Variants in MFRP observed in about 807,000 individuals in gnomAD.
MFRP encodes the protein C1q and TNF related 5.
A neutral mutation model predicts 65.8 loss-of-function variants in MFRP; 74 were observed. The observed-to-expected ratio is 1.12, with a 90% CI of 0.93 to 1.36. The LOEUF is 1.36. MFRP is among the 40% of genes most tolerant of loss of function. The probability of loss-of-function intolerance (pLI) is 0.00; values close to 1 mark genes in which losing one functional copy is unlikely to be tolerated. For synonymous variants in MFRP, 336 were observed against 288.3 expected, an observed-to-expected ratio of 1.17 and a Z score of -1.68; for missense variants, 838 against 736.0, an observed-to-expected ratio of 1.14 and a Z score of -1.60.
chr11:119,346,554 G>C lies in MFRP; in HGVS notation c.-41C>G. ...ATGGCTTTCTGGAGTCCCTGTGACA[G>C]CCCAAGACCCCCAAGGGCCCACTCG... On this transcript the variant is annotated 5_prime_UTR_variant, in exon 1 of 15. Transcript: ENST00000619721. 6.2e-7 allele frequency: 1 copy of C among 1,605,694 alleles called. No individual in the cohort carries two copies. The highest frequency in any genetic ancestry group is 8.5e-7 in the Non-Finnish European group (1 of 1,173,196).
chr11:119,346,052 G>A lies in MFRP; in HGVS notation c.265C>T (p.Leu89=), dbSNP rs1950563926. The A allele has an allele frequency of 1.9e-6, 3 of 1,610,954 alleles. No homozygotes were observed. In the East Asian group the frequency reaches 6.7e-5, roughly 36 times the overall value. Residue 89 remains leucine (L), a synonymous_variant, in exon 3 of 15, where the codon CTG becomes TTG. Transcript: ENST00000619721. ...GCTGTCCCCGGGTACTTACGGGCCA[G>A]GATGATGGCCACCAGCAGCCCAAGC... The part of the protein sequence containing the change: ...LLLGLLVAII[L]AQLQAAPPSG...
Position 119,344,635 on chromosome 11 carries a change from A to C in MFRP, c.895T>G (p.Ser299Ala). 1.2e-6 allele frequency: 2 copies of C among 1,614,048 alleles called. No individual in the cohort carries two copies. Among genetic ancestry groups the C allele is most frequent in the Non-Finnish European group, 8.5e-7 (1 of 1,180,040 alleles). ...GACCCCCATGCCTGGCCCGTACCCG[A>C]GAACTTGGCACTGCAATTGGTCTCA... ...SDETNCSAKFSGCGGNLTGLQ... is the reference protein window; with the variant it reads ...SDETNCSAKFAGCGGNLTGLQ... The change falls in exon 7 of 15, where the codon TCG becomes GCG. Residue 299 changes from serine (S) to alanine (A), a missense_variant. By Grantham distance (99) the Ser-to-Ala change is moderately conservative. Coordinates refer to ENST00000619721, the MANE Select transcript of MFRP (RefSeq NM_031433.4).
rs545366403 is a variant in MFRP, at chr11:119,345,138, T to C, written c.642-134A>G. ...CATGTGGTCAAAAAGGCTCCTCTGA[T>C]GTCCCAGGGAGCTCTGACCTTCCTA... On this transcript the variant is annotated intron_variant, in intron 5 of 14. Transcript: ENST00000619721. The C allele has an allele frequency of 4.2e-6, 5 of 1,193,206 alleles. No homozygotes were observed. In the African/African-American group the frequency reaches 6.1e-5, roughly 15 times the overall value. The allele number at this position is 1,193,206 out of a possible 1,614,324, so 73.9% of individuals were successfully genotyped here.
chr11:119,339,601 G>A lies in MFRP; in HGVS notation c.*1358C>T, dbSNP rs1207661449. ...TGGCCCGGTAGACGGTGGCATGGAC[G>A]GCGAAGTAGTAGACCCCAGGCACCT... On this transcript the variant is annotated 3_prime_UTR_variant, in exon 15 of 15. Transcript: ENST00000619721. This position sits in a 1 kb window ranked among gnomAD's most constrained non-coding sequence, Gnocchi z 5.4. 1 of 1,613,140 alleles carries A rather than the reference G, an allele frequency of 6.2e-7. No homozygotes were observed.
At position 119,340,034 on chromosome 11, in the gene MFRP, C is replaced by G. The variant is rs866424760; in HGVS notation, c.*1110+150G>C. ...CTGGGGGGCTGGCCAAGGGGGCTCCCGCCGCCTGGGCCCCTCCCCCGCTCA... is the reference window on the plus strand; with the variant it reads ...CTGGGGGGCTGGCCAAGGGGGCTCCGGCCGCCTGGGCCCCTCCCCCGCTCA... On this transcript the variant is annotated intron_variant, in intron 14 of 14. Coordinates refer to ENST00000619721, the MANE Select transcript of MFRP (RefSeq NM_031433.4). 22 of 1,247,176 alleles carry G rather than the reference C, an allele frequency of 1.8e-5. No homozygotes were observed. In the African/African-American group the frequency reaches 2.1e-4, roughly 12 times the overall value. The allele number at this position is 1,247,176 out of a possible 1,614,324, so 77.3% of individuals were successfully genotyped here.
At chr11:119,345,046 A>G (rs1211399524) in intron 5 of MFRP, 42 bp from the exon 6 acceptor site, 6 of 1,584,932 alleles carry the variant, frequency 3.8e-6, no homozygotes, top group African/African-American at 1.3e-5. Context: ...CTCCAAGAGC[A>G]GGGTCAGCCA....
chr11:119,342,923 A>G lies in MFRP; in HGVS notation c.1205T>C (p.Ile402Thr), dbSNP rs374259317. ...GGTGGCTGAGAAGCCTCCACTGCTG[A>G]TGCCATGATCTGTCCTAAACAGCAC... ...LAVLFRTDHG[I>T]SSGGFSATYL... The change falls in exon 10 of 15, where the codon ATC (isoleucine) becomes ACC (threonine). Residue 402 changes from isoleucine to threonine, a missense_variant. Physicochemically the swap from Ile to Thr is moderately conservative, Grantham distance 89. Coordinates refer to ENST00000619721, the MANE Select transcript of MFRP (RefSeq NM_031433.4). The G allele has an allele frequency of 6.2e-7, 1 of 1,612,944 alleles. No individual in the cohort carries two copies. The highest frequency in any genetic ancestry group is 1.1e-5 in the South Asian group (1 of 90,998).
chr11:119,340,287 C>T lies in MFRP; in HGVS notation c.*1007G>A, dbSNP rs1374459892. ...AGCCCTGGCTGCCATGGTGGCCCGG[C>T]GTGCCTGGAAGGCCGGGGTGCCCCG... On this transcript the variant is annotated 3_prime_UTR_variant, in exon 14 of 15. Coordinates refer to ENST00000619721, the MANE Select transcript of MFRP (RefSeq NM_031433.4). The T allele has an allele frequency of 2.8e-5, 43 of 1,531,480 alleles. No individual in the cohort carries two copies. The Admixed American group carries it at 8.4e-4, about 30-fold the overall frequency. The allele number at this position is 1,531,480 out of a possible 1,614,324, so 94.9% of individuals were successfully genotyped here.
At position 119,346,441 on chromosome 11, in the gene MFRP, G is replaced by A. The variant is rs752704708; in HGVS notation, c.54+19C>T. ...CACTGGTGCTGGGTCTTAGGAGCAC[G>A]ATTCTATGTGGTCCTTACCTTGCTC... On this transcript the variant is annotated intron_variant, in intron 1 of 14. Coordinates refer to ENST00000619721, the MANE Select transcript of MFRP (RefSeq NM_031433.4). 51 of 1,613,698 alleles carry A rather than the reference G, an allele frequency of 3.2e-5. 1 individual carries two copies. Among genetic ancestry groups the A allele is most frequent in the South Asian group, 8.8e-5 (8 of 91,076 alleles).
At position 119,340,246 on chromosome 11, in the gene MFRP, C is replaced by A. The variant is rs1446290588; in HGVS notation, c.*1048G>T. On this transcript the variant is annotated 3_prime_UTR_variant, in exon 14 of 15. Transcript: ENST00000619721. ...GGGCGCGCCGTCGCGGCCGTCGCGG[C>A]CATCGCGGCCCGGCAAGCCCTGGCT... 2 of 1,515,038 alleles carry A rather than the reference C, an allele frequency of 1.3e-6. No individual in the cohort carries two copies. Among genetic ancestry groups the A allele is most frequent in the East Asian group, 2.7e-5 (1 of 36,904 alleles). The allele number at this position is 1,515,038 out of a possible 1,614,324, so 93.8% of individuals were successfully genotyped here.
At position 119,339,184 on chromosome 11, in the gene MFRP, T is replaced by C; in HGVS notation, c.*1775A>G. ...CGCAGACAGCCACTGTTCCCATTCCTTGCCAGCAGCAGGACGGAGAGTGCT... is the reference window on the plus strand; with the variant it reads ...CGCAGACAGCCACTGTTCCCATTCCCTGCCAGCAGCAGGACGGAGAGTGCT... On this transcript the variant is annotated 3_prime_UTR_variant, in exon 15 of 15. Transcript: ENST00000619721. This position sits in a 1 kb window ranked among gnomAD's most constrained non-coding sequence, Gnocchi z 5.4. The C allele has an allele frequency of 1.1e-6, 1 of 897,470 alleles. No homozygotes were observed. The highest frequency in any genetic ancestry group is 1.7e-6 in the Non-Finnish European group (1 of 602,276). 55.6% of individuals were successfully genotyped at this position (897,470 alleles called of 1,614,324 possible).
chr11:119,343,873 A>C lies in MFRP; in HGVS notation c.1067T>G (p.Phe356Cys), dbSNP rs2135370543. 1 of 1,613,806 alleles carries C rather than the reference A, an allele frequency of 6.2e-7. No individual in the cohort carries two copies. The highest frequency in any genetic ancestry group is 1.6e-4 in the Middle Eastern group (1 of 6,062). Residue 356 changes from phenylalanine (F) to cysteine (C), a missense_variant, in exon 9 of 15, where the codon TTT becomes TGT. By Grantham distance (205) the Phe-to-Cys change is radical. Transcript: ENST00000619721. ...FSLEAQDECK[F>C]DYVEVYETSS... The stretch of plus-strand genomic sequence containing the variant: ...GGTCTCATACACCTCCACGTAGTCA[A>C]ACTTGCACTCGTCCTGAGCCTCCAG...
Position 119,342,935 on chromosome 11 carries a change from G to C in MFRP, c.1193C>G (p.Thr398Arg), listed in dbSNP as rs368782877. 22 of 1,612,542 alleles carry C rather than the reference G, an allele frequency of 1.4e-5. No homozygotes were observed. The highest frequency in any genetic ancestry group is 3.3e-5 in the Admixed American group (2 of 59,918). The part of the protein sequence containing the change: ...SHHELAVLFR[T>R]DHGISSGGFS... ...GCCTCCACTGCTGATGCCATGATCT[G>C]TCCTAAACAGCACAGCCAGCTCATG... The change falls in exon 10 of 15, where the codon ACA becomes AGA. Residue 398 changes from threonine to arginine, a missense_variant. Physicochemically the swap from Thr to Arg is moderately conservative, Grantham distance 71 (BLOSUM62 -1). Coordinates refer to ENST00000619721, the MANE Select transcript of MFRP (RefSeq NM_031433.4).
chr11:119,342,460 C>A, intron 11 of MFRP, 136 bp downstream of exon 11: 2 of 1,159,076 alleles, frequency 1.7e-6, no homozygotes, highest in Non-Finnish European at 2.4e-6. Context: ...GTGAAGTGGT[C>A]CCAGAGTCAG....
chr11:119,339,459 C>T lies in MFRP; in HGVS notation c.*1500G>A. ...CCCACCTGCACCCACACTTGGTCCTCAGGCTCCAGCCTCACCATGGCCCCC... is the reference window on the plus strand; with the variant it reads ...CCCACCTGCACCCACACTTGGTCCTTAGGCTCCAGCCTCACCATGGCCCCC... On this transcript the variant is annotated 3_prime_UTR_variant, in exon 15 of 15. Transcript: ENST00000619721. The surrounding 1 kb of genome is among the most constrained non-coding windows in gnomAD (Gnocchi z 5.4). The T allele has an allele frequency of 1.2e-6, 2 of 1,614,142 alleles. No homozygotes were observed. The highest frequency in any genetic ancestry group is 1.7e-6 in the Non-Finnish European group (2 of 1,180,050).
Position 119,343,980 on chromosome 11 carries a change from G to T in MFRP, c.976-16C>A. 1 of 1,611,006 alleles carries T rather than the reference G, an allele frequency of 6.2e-7. No individual in the cohort carries two copies. Among genetic ancestry groups the T allele is most frequent in the South Asian group, 1.1e-5 (1 of 90,996 alleles). ...AGGTGCAGAGCTGGGGGAGGGCATAGGTGGAGCAATTCATGGCCCCTTCTC... is the reference window on the plus strand; with the variant it reads ...AGGTGCAGAGCTGGGGGAGGGCATATGTGGAGCAATTCATGGCCCCTTCTC... On this transcript the variant is annotated splice_polypyrimidine_tract_variant and intron_variant, in intron 8 of 14. Coordinates refer to ENST00000619721, the MANE Select transcript of MFRP (RefSeq NM_031433.4).
At chr11:119,345,291 G>C (rs1456157971) in intron 5 of MFRP, 129 bp downstream of exon 5, 3 of 971,796 alleles carry the variant, frequency 3.1e-6, no homozygotes, top group East Asian at 2.6e-5. Flanking sequence ...GGTGGTGGCA[G>C]AGCTGGGCCC....
chr11:119,341,294 G>C lies in MFRP; in HGVS notation c.*254C>G, dbSNP rs909739525. The C allele has an allele frequency of 1.8e-6, 1 of 552,816 alleles. No individual in the cohort carries two copies. Among genetic ancestry groups the C allele is most frequent in the Admixed American group, 3.2e-5 (1 of 31,612 alleles). The allele number at this position is 552,816 out of a possible 1,614,324, so 34.2% of individuals were successfully genotyped here. On this transcript the variant is annotated 3_prime_UTR_variant, in exon 13 of 15. Coordinates refer to ENST00000619721, the MANE Select transcript of MFRP (RefSeq NM_031433.4). ...ATGGAAAGGGGAAGAGGCCTGGATG[G>C]GAAGTGGTCTCGATTGTCCGGTGGC...
rs985616713 is a variant in MFRP at position 119,346,442 on chromosome 11, A to G, written c.54+18T>C. 6.2e-7 allele frequency: 1 copy of G among 1,613,918 alleles called. No homozygotes were observed. Among genetic ancestry groups the G allele is most frequent in the Non-Finnish European group, 8.5e-7 (1 of 1,179,840 alleles). Reference sequence around the variant, plus strand: ...ACTGGTGCTGGGTCTTAGGAGCACGATTCTATGTGGTCCTTACCTTGCTCG... The same window carrying G: ...ACTGGTGCTGGGTCTTAGGAGCACGGTTCTATGTGGTCCTTACCTTGCTCG... On this transcript the variant is annotated intron_variant, in intron 1 of 14. Coordinates refer to ENST00000619721, the MANE Select transcript of MFRP (RefSeq NM_031433.4).
Sources: allele counts gnomAD v4.1 joint callset, GRCh38; gene constraint gnomAD v4.1.1; non-coding constraint Gnocchi (gnomAD v3.1); transcripts MANE v1.5; gene names NCBI Gene and HGNC (gene_info 2026-07-23, HGNC 2026-07-21).